WWOX: variants seen among roughly 807,000 people sequenced by gnomAD.
WWOX encodes WW domain-containing oxidoreductase.
In WWOX, 69 loss-of-function variants were observed where a neutral mutation model predicts 46.2. The observed-to-expected ratio is 1.49, with a 90% CI of 1.23 to 1.82. The LOEUF is 1.82. Ranked by LOEUF, WWOX falls within the 40% of genes most tolerant of loss-of-function variation. The pLI is 0.00. For synonymous variants in WWOX, 359 were observed against 202.6 expected (o/e 1.77, Z -6.56); for missense variants, 919 against 542.6 (o/e 1.69, Z -6.89).
chr16:79,072,418 G>T (rs566751489), intron 8 of WWOX, among the ~76,000 whole-genome samples: 1 of 152,302 alleles, frequency 6.6e-6, no homozygotes, highest in Admixed American at 6.5e-5. Context: ...AGAATTTCAT[G>T]AGTGTTCACC....
chr16:78,679,434 C>G (rs2047678515), intron 8 of WWOX, among the ~76,000 whole-genome samples: 1 of 152,084 alleles, frequency 6.6e-6, no homozygotes, highest in African/African-American at 2.4e-5. Flanking sequence ...GCCTGTAATC[C>G]CAGCTACTTG....
intron 8 of WWOX, among the ~76,000 whole-genome samples, chr16:78,859,025 AAAAT>A (rs2052646460): frequency 3.2e-5 from 1 of 31,478 alleles, no homozygotes; most frequent in African/African-American, 2.0e-4. Flanking sequence ...AAAAAAAAAA[AAAAT>A]ATATATATAT....
At chr16:78,746,382 C>G (rs1211789171) in intron 8 of WWOX, among the ~76,000 whole-genome samples, 2 of 152,138 alleles carry the variant, frequency 1.3e-5, no homozygotes, top group Non-Finnish European at 2.9e-5. Flanking sequence ...CCTGTAGTCT[C>G]AGCTACTTGG....
At chr16:78,366,503 A>T (rs905345706) in intron 5 of WWOX, among the ~76,000 whole-genome samples, 1 of 152,188 alleles carries the variant, frequency 6.6e-6, no homozygotes, top group Non-Finnish European at 1.5e-5. Context: ...ATTAATTATA[A>T]GACTGTTAGA....
rs553739347 is a variant in WWOX at position 78,774,703 on chromosome 16, C to T, written c.1056+341951C>T. The stretch of plus-strand genomic sequence containing the variant: ...ATTGTCTGTGTGGGGGGAGGGGAGG[C>T]TGTACATGTCCCCACCCAACACACA... On this transcript the variant is annotated intron_variant, in intron 8 of 8. Transcript: ENST00000566780. 2.6e-5 allele frequency among the ~76,000 whole-genome samples: 4 copies of T among 152,016 alleles called. No individual in the cohort carries two copies. The South Asian group carries it at 8.3e-4, about 32-fold the overall frequency.
intron 8 of WWOX, among the ~76,000 whole-genome samples, chr16:78,621,441 T>A (rs12927981): frequency 1.3e-5 from 2 of 151,864 alleles, no homozygotes; most frequent in African/African-American, 4.8e-5. Context: ...CCTCTTGGAG[T>A]TGCTTATTCT....
intron 8 of WWOX, among the ~76,000 whole-genome samples, chr16:78,829,913 G>A (rs2051769742): frequency 1.3e-5 from 2 of 152,114 alleles, no homozygotes; most frequent in South Asian, 4.1e-4. Context: ...AATACCATCT[G>A]ACATATACAT....
intron 8 of WWOX, among the ~76,000 whole-genome samples, chr16:78,585,026 C>G (rs913916231): frequency 1.3e-5 from 2 of 152,210 alleles, no homozygotes; most frequent in African/African-American, 2.4e-5. Flanking sequence ...ACCTAATTCC[C>G]TATTCAGCTG....
intron 8 of WWOX, among the ~76,000 whole-genome samples, chr16:78,509,990 C>T (rs1021033139): frequency 1.3e-5 from 2 of 151,588 alleles, no homozygotes; most frequent in African/African-American, 4.8e-5. Context: ...GTCCCAGCTT[C>T]TGGGGATGCT....
intron 8 of WWOX, among the ~76,000 whole-genome samples, chr16:79,022,318 C>T (rs1472056318): frequency 1.8e-5 from 2 of 109,378 alleles, no homozygotes; most frequent in East Asian, 5.2e-4. Context: ...ATTTTGGGGG[C>T]AAGAGGACTC....
chr16:78,360,209 G>T (rs998872121), intron 5 of WWOX, among the ~76,000 whole-genome samples: 1 of 152,138 alleles, frequency 6.6e-6, no homozygotes, highest in Admixed American at 6.6e-5. Flanking sequence ...ATATTGTGAG[G>T]ACATCCACCT....
intron 8 of WWOX, among the ~76,000 whole-genome samples, chr16:79,189,820 C>A (rs2051096438): frequency 6.7e-6 from 1 of 149,412 alleles, no homozygotes; most frequent in African/African-American, 2.5e-5. Context: ...ATTTATTTGG[C>A]ATCTTGCAAT....
intron 8 of WWOX, among the ~76,000 whole-genome samples, chr16:78,934,265 G>C (rs2045687367): frequency 6.8e-6 from 1 of 147,314 alleles, no homozygotes; most frequent in Non-Finnish European, 1.5e-5. Context: ...GTGAACCCAG[G>C]AGGCGGATCT....
intron 8 of WWOX, among the ~76,000 whole-genome samples, chr16:78,919,742 C>G (rs571927839): frequency 6.6e-6 from 1 of 152,072 alleles, no homozygotes; most frequent in Non-Finnish European, 1.5e-5. Context: ...GTCTCGAACT[C>G]GTGACCTCAT....
At chr16:78,191,715 C>T (rs529589155) in intron 5 of WWOX, among the ~76,000 whole-genome samples, 3 of 152,126 alleles carry the variant, frequency 2.0e-5, no homozygotes, top group East Asian at 3.9e-4. Flanking sequence ...TCTTGATCCT[C>T]GGAAGAGATT....
chr16:79,101,344 G>A (rs568594882), intron 8 of WWOX: 50 of 152,250 alleles, frequency 3.3e-4, no homozygotes, highest in African/African-American at 1.0e-3. Context: ...ACACAAGATC[G>A]TTCGCAGGTT....
intron 8 of WWOX, among the ~76,000 whole-genome samples, chr16:79,159,937 C>T (rs534776894): frequency 6.6e-6 from 1 of 152,194 alleles, no homozygotes; most frequent in East Asian, 1.9e-4. Context: ...GACTCCCAAC[C>T]CTCCCCAGGT....
At chr16:78,515,479 G>C (rs1391966046) in intron 8 of WWOX, among the ~76,000 whole-genome samples, 1 of 152,178 alleles carries the variant, frequency 6.6e-6, no homozygotes, top group Non-Finnish European at 1.5e-5. Context: ...CTAATGGTTT[G>C]CTTGGTGTAC....
intron 5 of WWOX, among the ~76,000 whole-genome samples, chr16:78,183,145 A>G (rs923928633): frequency 2.0e-5 from 3 of 151,948 alleles, no homozygotes; most frequent in African/African-American, 7.3e-5. Flanking sequence ...GTCCCACTGG[A>G]CTCTCAGCAC....
Sources: gnomAD v4.1 joint callset for allele counts (sites outside exome capture counted in the v4.1 genomes callset) on GRCh38, gnomAD v4.1.1 for gene constraint, MANE v1.5 for transcripts, NCBI Gene and HGNC (gene_info 2026-07-23, HGNC 2026-07-21) for gene names.